Variants in GREB1 observed in about 807,000 individuals in gnomAD.
GREB1 encodes protein GREB1.
In GREB1, 106 loss-of-function variants were observed where a neutral mutation model predicts 200.7. The ratio of observed to expected loss-of-function variants is 0.53; its 90% CI spans 0.45 to 0.62. The LOEUF (loss-of-function observed/expected upper bound fraction) is 0.62, where lower values mean the gene tolerates loss of function less well. Ranked by LOEUF, GREB1 falls within the 20% of genes least tolerant of loss-of-function variation. GREB1 has a pLI of 0.00. For missense variants in GREB1, 2,243 were observed against 2,556.8 expected, an observed-to-expected ratio of 0.88 and a Z score of 2.65; for synonymous variants, 1,132 against 1,092.4, an observed-to-expected ratio of 1.04 and a Z score of -0.72.
chr2:11,585,111 T>C, intron 7 of GREB1, 50 bp from the exon 8 acceptor site: 1 of 974,846 alleles, frequency 1.0e-6, no homozygotes. Context: ...TAAATTTTAT[T>C]GGAGCCCTGT....
chr2:11,531,999 A>G (rs1674090863), upstream of GREB1, among the ~76,000 whole-genome samples: 1 of 152,202 alleles, frequency 6.6e-6, no homozygotes, highest in African/African-American at 2.4e-5. Flanking sequence ...TTCTCTCTTT[A>G]TATATACTTT....
chr2:11,514,988 G>C (rs575379417), intron 1 of GREB1, among the ~76,000 whole-genome samples: 1 of 147,852 alleles, frequency 6.8e-6, no homozygotes, highest in African/African-American at 2.5e-5. Flanking sequence ...CCATCCATCC[G>C]CGCATGTGTC....
At chr2:11,553,571 A>G (rs1293783751) in intron 1 of GREB1, among the ~76,000 whole-genome samples, 1 of 140,466 alleles carries the variant, frequency 7.1e-6, no homozygotes, top group Non-Finnish European at 1.6e-5. Context: ...CCCCCATTCT[A>G]TTTTTTTTTT....
chr2:11,552,611 C>T (rs528532734), intron 1 of GREB1, among the ~76,000 whole-genome samples: 3 of 152,304 alleles, frequency 2.0e-5, no homozygotes, highest in Non-Finnish European at 4.4e-5. Flanking sequence ...CTTCCTCACC[C>T]AGCAGGTGTG....
chr2:11,581,886 C>G (rs10929759), intron 7 of GREB1, among the ~76,000 whole-genome samples: 73,644 of 151,934 alleles, frequency 0.48, 17,935 homozygotes, highest in Middle Eastern at 0.61. Context: ...TCTAACTCTT[C>G]ACTGAAGGGG....
chr2:11,586,041 G>A, intron 9 of GREB1, 136 bp downstream of exon 9: 1 of 855,708 alleles, frequency 1.2e-6, no homozygotes, highest in South Asian at 1.7e-5. Context: ...GCTTTCCAGG[G>A]CAAGGAAAGA....
Position 11,592,999 on chromosome 2 carries a change from C to T in GREB1, c.1569C>T (p.Tyr523=), listed in dbSNP as rs750579226. 1 of 1,611,210 alleles carries T rather than the reference C, an allele frequency of 6.2e-7. No homozygotes were observed. The highest frequency in any genetic ancestry group is 8.5e-7 in the Non-Finnish European group (1 of 1,178,844). Residue 523 remains tyrosine (Y), a synonymous_variant, in exon 11 of 33, where the codon TAC becomes TAT. Transcript: ENST00000381486. The part of the protein sequence containing the change: ...NDSVHVIECA[Y]SLAEGLSEMF... ...GCGTGCACGTCATCGAGTGTGCTTACTCCCTGGCCGAGGGCCTCTCCGAGA... is the reference window on the plus strand; with the variant it reads ...GCGTGCACGTCATCGAGTGTGCTTATTCCCTGGCCGAGGGCCTCTCCGAGA...
intron 4 of GREB1, among the ~76,000 whole-genome samples, chr2:11,573,137 T>TA (rs1358832760): frequency 2.0e-5 from 3 of 152,170 alleles, no homozygotes; most frequent in African/African-American, 7.2e-5. Context: ...CATCCAGGCT[T>TA]ATGCACACTC....
intron 19 of GREB1, 71 bp downstream of exon 19, chr2:11,612,681 CA>C (rs767122650): frequency 2.1e-5 from 20 of 951,022 alleles, no homozygotes; most frequent in Admixed American, 3.6e-5. Context: ...AGGAGCATGT[CA>C]GGGGGGCTGC....
intron 1 of GREB1, among the ~76,000 whole-genome samples, chr2:11,522,276 T>C (rs1272028981): frequency 2.0e-5 from 3 of 152,212 alleles, no homozygotes; most frequent in Non-Finnish European, 2.9e-5. Context: ...ACTAAGTATG[T>C]AGGAATTATT....
In GREB1 at chr2:11,516,733, G is replaced by A. The variant is rs542147583; in HGVS notation, c.-159+34352G>A. Among the ~76,000 whole-genome samples, 19 of 152,278 alleles carry A rather than the reference G, an allele frequency of 1.2e-4. No individual in the cohort carries two copies. The East Asian group carries it at 1.5e-3, about 12-fold the overall frequency. ...TCCCTGCAGGATAGACCTTGGCGCCGTCCATCTAAGGGAAAGACCTGCACC... is the reference window on the plus strand; with the variant it reads ...TCCCTGCAGGATAGACCTTGGCGCCATCCATCTAAGGGAAAGACCTGCACC... On this transcript the variant is annotated intron_variant, in intron 1 of 2. Coordinates refer to the GREB1 transcript ENST00000628795.
intron 1 of GREB1, among the ~76,000 whole-genome samples, chr2:11,523,306 C>T (rs1673764515): frequency 6.6e-6 from 1 of 151,946 alleles, no homozygotes; most frequent in Non-Finnish European, 1.5e-5. Context: ...GGTGATGAAA[C>T]AATCTGTGCA....
rs1672792099 is a variant in GREB1 at position 11,492,410 on chromosome 2, T to C, written c.-159+10029T>C. Among the ~76,000 whole-genome samples, 2 of 152,234 alleles carry C rather than the reference T, an allele frequency of 1.3e-5. No homozygotes were observed. The highest frequency in any genetic ancestry group is 1.3e-4 in the Admixed American group (2 of 15,282). On this transcript the variant is annotated intron_variant, in intron 1 of 2. Coordinates refer to the GREB1 transcript ENST00000628795. This position sits in a 1 kb window ranked among gnomAD's most constrained non-coding sequence, Gnocchi z 4.0. ...ACTGAGTCAGCTGTACTCCTGGCCA[T>C]GTGTACAGAATTTCCGCAAAAGGAG...
rs1245770293 is a variant in GREB1, at chr2:11,631,944, A to T, written c.4647A>T (p.Pro1549=). 1 of 1,613,956 alleles carries T rather than the reference A, an allele frequency of 6.2e-7. No homozygotes were observed. The highest frequency in any genetic ancestry group is 8.5e-7 in the Non-Finnish European group (1 of 1,179,932). Reference sequence around the variant, plus strand: ...ATATAAAAAGTCCGACATTCACTCCAACCACCGGCCGTCACGAACATGGGC... The same window carrying T: ...ATATAAAAAGTCCGACATTCACTCCTACCACCGGCCGTCACGAACATGGGC... The part of the protein sequence containing the change: ...HEYIKSPTFT[P]TTGRHEHGLF... Residue 1549 remains proline (P), a synonymous_variant, in exon 27 of 33, where the codon CCA becomes CCT. Transcript: ENST00000381486.
At chr2:11,495,795 C>CTTTTTTTTTTT (rs1393933225) in intron 1 of GREB1, among the ~76,000 whole-genome samples, 2 of 140,530 alleles carry the variant, frequency 1.4e-5, no homozygotes, top group African/African-American at 5.3e-5. Flanking sequence ...TAAGTCCCCC[C>CTTTTTTTTTTT]GTTTTTTTTT....
chr2:11,501,404 G>GT (rs1311675462), intron 1 of GREB1, among the ~76,000 whole-genome samples: 2 of 152,030 alleles, frequency 1.3e-5, no homozygotes, highest in Non-Finnish European at 2.9e-5. Context: ...AAGGTGCTGC[G>GT]TTTTTTTGAG....
At chr2:11,521,828 T>G (rs1224459259) in intron 1 of GREB1, among the ~76,000 whole-genome samples, 1 of 152,244 alleles carries the variant, frequency 6.6e-6, no homozygotes, top group Non-Finnish European at 1.5e-5. Flanking sequence ...TTCACCACAC[T>G]GTAATTATTG....
intron 18 of GREB1, among the ~76,000 whole-genome samples, chr2:11,611,401 C>G (rs753953012): frequency 9.9e-5 from 15 of 152,200 alleles, no homozygotes; most frequent in Non-Finnish European, 2.1e-4. Flanking sequence ...CAGCCTTGAG[C>G]TCCTGGGCTC....
At chr2:11,512,242 A>C (rs1673371517) in intron 1 of GREB1, among the ~76,000 whole-genome samples, 1 of 152,250 alleles carries the variant, frequency 6.6e-6, no homozygotes, top group Non-Finnish European at 1.5e-5. Flanking sequence ...CATTTTAAAA[A>C]GTTGACCACT....
Sources: allele counts gnomAD v4.1 joint callset (sites outside exome capture counted in the v4.1 genomes callset), GRCh38; gene constraint gnomAD v4.1.1; non-coding constraint Gnocchi (gnomAD v3.1); transcripts MANE v1.5; gene names NCBI Gene and HGNC (gene_info 2026-07-23, HGNC 2026-07-21).